Variants in CENPW observed in about 807,000 individuals in gnomAD.
CENPW encodes cancer-up-regulated gene 2 protein.
Under a neutral mutation model 11.1 loss-of-function variants are expected in CENPW, and 3 were observed. That is an observed-to-expected ratio of 0.27 (90% CI 0.12 to 0.70). The LOEUF (loss-of-function observed/expected upper bound fraction) is 0.70, where lower values mean the gene tolerates loss of function less well. CENPW is among the 30% of genes least tolerant of loss of function. The probability of loss-of-function intolerance (pLI) is 0.77; values close to 1 mark genes in which losing one functional copy is unlikely to be tolerated. For missense variants in CENPW, 100 were observed against 105.6 expected (o/e 0.95, Z 0.23); for synonymous variants, 38 against 42.0 (o/e 0.91, Z 0.37).
the CENPW span, among the ~76,000 whole-genome samples, chr6:126,389,787 T>C: frequency 4.6e-5 from 7 of 151,934 alleles, no homozygotes; most frequent in Non-Finnish European, 7.4e-5. Flanking sequence ...TAAATATTTA[T>C]TTTATAGATT....
the CENPW span, among the ~76,000 whole-genome samples, chr6:126,421,950 C>T: frequency 6.6e-6 from 1 of 152,062 alleles, no homozygotes; most frequent in Non-Finnish European, 1.5e-5. Flanking sequence ...CCATGTTCTG[C>T]CTCACATCCA....
At chr6:126,478,985 C>G in the CENPW span, among the ~76,000 whole-genome samples, 88 of 152,166 alleles carry the variant, frequency 5.8e-4, 1 homozygote, top group South Asian at 0.018. Flanking sequence ...TCATATACCT[C>G]CTACCAGACT....
intron 1 of CENPW, among the ~76,000 whole-genome samples, chr6:126,343,302 T>G (rs1259689885): frequency 2.0e-5 from 3 of 152,232 alleles, no homozygotes; most frequent in Admixed American, 6.5e-5. Flanking sequence ...GTAGTACCAC[T>G]CAATTAACTG....
the CENPW span, among the ~76,000 whole-genome samples, chr6:126,417,567 T>C: frequency 2.0e-5 from 3 of 152,150 alleles, no homozygotes; most frequent in Non-Finnish European, 4.4e-5. Context: ...TGTGGGTCTT[T>C]CCTGTGCTGT....
the CENPW span, among the ~76,000 whole-genome samples, chr6:126,437,476 G>A: frequency 6.6e-6 from 1 of 151,822 alleles, no homozygotes; most frequent in Non-Finnish European, 1.5e-5. Flanking sequence ...CTCCTTGGTT[G>A]GTGGAAAGAC....
chr6:126,459,624 C>T, the CENPW span, among the ~76,000 whole-genome samples: 1 of 151,460 alleles, frequency 6.6e-6, no homozygotes, highest in Non-Finnish European at 1.5e-5. Flanking sequence ...TAAAATATGG[C>T]ATGGTGTCTT....
the CENPW span, among the ~76,000 whole-genome samples, chr6:126,365,445 A>G: frequency 6.6e-6 from 1 of 152,152 alleles, no homozygotes; most frequent in South Asian, 2.1e-4. Flanking sequence ...AGCACATCTT[A>G]TATGACCAGT....
the CENPW span, among the ~76,000 whole-genome samples, chr6:126,474,692 A>G: frequency 1.1e-3 from 168 of 152,288 alleles, no homozygotes; most frequent in African/African-American, 3.8e-3. Flanking sequence ...TATGCAAACA[A>G]TATCATTACC....
chr6:126,442,634 C>A, the CENPW span, among the ~76,000 whole-genome samples: 1 of 151,316 alleles, frequency 6.6e-6, no homozygotes, highest in African/African-American at 2.4e-5. Flanking sequence ...TTCCCCAAAA[C>A]CCCTAGTGGT....
the CENPW span, among the ~76,000 whole-genome samples, chr6:126,481,312 C>A: frequency 6.6e-6 from 1 of 151,616 alleles, no homozygotes; most frequent in South Asian, 2.1e-4. Flanking sequence ...AATGTAATTT[C>A]TGGATCTTTT....
At chr6:126,348,427 A>G (rs1415119030) in intron 2 of CENPW, 39 bp from the exon 3 acceptor site, 1 of 1,062,416 alleles carries the variant, frequency 9.4e-7, no homozygotes, top group South Asian at 1.3e-5. Context: ...TTTATTTTTC[A>G]TAGATATAAT....
chr6:126,386,257 A>G, the CENPW span, among the ~76,000 whole-genome samples: 1 of 152,070 alleles, frequency 6.6e-6, no homozygotes, highest in Non-Finnish European at 1.5e-5. Flanking sequence ...TCCCACTTGT[A>G]ACATCTACCT....
At chr6:126,419,408 A>G in the CENPW span, among the ~76,000 whole-genome samples, 2 of 152,194 alleles carry the variant, frequency 1.3e-5, no homozygotes, top group African/African-American at 2.4e-5. Flanking sequence ...ACTCAATTCA[A>G]CTTACCAAGT....
At chr6:126,360,255 G>A in the CENPW span, among the ~76,000 whole-genome samples, 2 of 152,266 alleles carry the variant, frequency 1.3e-5, no homozygotes, top group East Asian at 1.9e-4. Context: ...TAGGTTCTCA[G>A]TGTCTTCTGG....
At chr6:126,385,567 C>T in the CENPW span, among the ~76,000 whole-genome samples, 1 of 152,048 alleles carries the variant, frequency 6.6e-6, no homozygotes, top group Non-Finnish European at 1.5e-5. Context: ...GGCTTTGTGT[C>T]CCCACCCAAA....
the CENPW span, among the ~76,000 whole-genome samples, chr6:126,419,971 G>C: frequency 5.9e-5 from 9 of 152,258 alleles, no homozygotes; most frequent in African/African-American, 2.2e-4. Context: ...CACAGGTCTG[G>C]GAATGAAGAT....
the CENPW span, among the ~76,000 whole-genome samples, chr6:126,454,566 A>G: frequency 6.6e-6 from 1 of 151,374 alleles, no homozygotes; most frequent in Non-Finnish European, 1.5e-5. Context: ...GGACACAGCT[A>G]ACGCAACATT....
the CENPW span, among the ~76,000 whole-genome samples, chr6:126,357,588 T>C: frequency 6.6e-6 from 1 of 152,172 alleles, no homozygotes; most frequent in East Asian, 1.9e-4. Flanking sequence ...CTCTGATTTC[T>C]TTCAGCAATA....
the CENPW span, among the ~76,000 whole-genome samples, chr6:126,417,076 G>T: frequency 3.9e-5 from 6 of 152,188 alleles, no homozygotes; most frequent in Admixed American, 1.3e-4. Context: ...CACAGGGGTG[G>T]AGCTACCCAA....
Sources: allele counts gnomAD v4.1 joint callset (sites outside exome capture counted in the v4.1 genomes callset), GRCh38; gene constraint gnomAD v4.1.1; transcripts MANE v1.5; gene names NCBI Gene and HGNC (gene_info 2026-07-23, HGNC 2026-07-21).